Variants in LYST observed in about 807,000 individuals in gnomAD.
LYST encodes the protein lysosomal trafficking regulator, also known as lysosomal-trafficking regulator.
A neutral mutation model predicts 413.6 loss-of-function variants in LYST; 192 were observed. The observed-to-expected ratio is 0.46, with a 90% CI of 0.41 to 0.52. The LOEUF (loss-of-function observed/expected upper bound fraction) is 0.52, where lower values mean the gene tolerates loss of function less well. Ranked by LOEUF, LYST falls within the 20% of genes least tolerant of loss-of-function variation. The pLI is 0.00. For missense variants in LYST, 3,815 were observed against 4,499.9 expected (o/e 0.85, Z 4.35); for synonymous variants, 1,525 against 1,567.3 (o/e 0.97, Z 0.64).
At chr1:235,677,381 G>A in intron 49 of LYST, 99 bp downstream of exon 49, 2 of 1,310,472 alleles carry the variant, frequency 1.5e-6, no homozygotes, top group Non-Finnish European at 2.2e-6. Context: ...TGGTTAAAAT[G>A]ATTATAACGT....
chr1:235,695,320 T>C (rs1416076931), intron 46 of LYST, among the ~76,000 whole-genome samples: 2 of 152,208 alleles, frequency 1.3e-5, no homozygotes, highest in Non-Finnish European at 2.9e-5. Flanking sequence ...CAAGGCCACA[T>C]AGCTAGTAAG....
chr1:235,720,887 G>C lies in LYST; in HGVS notation c.9334C>G (p.His3112Asp). ...GGGAGGTTATTTGTGAGTATATTGT[G>C]GTATACATCATCACGAACCTAAAAG... ...DNTKVRDDVY[H>D]NILTNNLPNL... Residue 3112 changes from histidine (H) to aspartate (D), a missense_variant, in exon 40 of 53, where the codon CAC becomes GAC. By Grantham distance (81) the His-to-Asp change is moderately conservative. Transcript: ENST00000389793. 1 of 1,613,310 alleles carries C rather than the reference G, an allele frequency of 6.2e-7. No individual in the cohort carries two copies. Among genetic ancestry groups the C allele is most frequent in the Non-Finnish European group, 8.5e-7 (1 of 1,179,488 alleles).
intron 1 of LYST, among the ~76,000 whole-genome samples, chr1:235,845,519 C>G (rs777368553): frequency 7.2e-5 from 11 of 152,238 alleles, no homozygotes; most frequent in African/African-American, 1.7e-4. Context: ...AAATCCAGCT[C>G]GCAGACTTCA....
rs1013368289 is a variant in LYST at position 235,755,609 on chromosome 1, T to G, written c.7098A>C (p.Gln2366His). Residue 2366 changes from glutamine to histidine, a missense_variant, in exon 25 of 53, where the codon CAA becomes CAC. Gln to His is a conservative substitution (Grantham distance 24). Transcript: ENST00000389793. Reference sequence around the variant, plus strand: ...CACGATTCTTCAGAAATTTATCTTTTTGTTCCTTAGATGCTCTAGCAAAAT... The same window carrying G: ...CACGATTCTTCAGAAATTTATCTTTGTGTTCCTTAGATGCTCTAGCAAAAT... ...DAYFARASKE[Q>H]KDKFLKNRGF... The G allele has an allele frequency of 2.5e-6, 4 of 1,613,584 alleles. No individual in the cohort carries two copies. Among genetic ancestry groups the G allele is most frequent in the Non-Finnish European group, 3.4e-6 (4 of 1,179,582 alleles).
rs754497817 is a variant in LYST, at chr1:235,720,779, G to A, written c.9442C>T (p.His3148Tyr). 2 of 1,614,072 alleles carry A rather than the reference G, an allele frequency of 1.2e-6. No homozygotes were observed. Among genetic ancestry groups the A allele is most frequent in the East Asian group, 4.5e-5 (2 of 44,866 alleles). The change falls in exon 40 of 53, where the codon CAC becomes TAC. Residue 3148 changes from histidine (H) to tyrosine (Y), a missense_variant. By Grantham distance (83) the His-to-Tyr change is moderately conservative (BLOSUM62 2). Coordinates refer to ENST00000389793, the MANE Select transcript of LYST (RefSeq NM_000081.4). ...GQITNFEYLTHLNKHAGRSFN... is the reference protein window; with the variant it reads ...GQITNFEYLTYLNKHAGRSFN... ...GATCGGCCAGCATGTTTGTTTAAGT[G>A]AGTCAAATATTCAAAATTAGTAATT...
At chr1:235,717,843 C>A (rs1021075801) in intron 40 of LYST, among the ~76,000 whole-genome samples, 1 of 151,568 alleles carries the variant, frequency 6.6e-6, no homozygotes, top group Non-Finnish European at 1.5e-5. Context: ...AGAATAGATA[C>A]AAATTAACAT....
intron 13 of LYST, 42 bp downstream of exon 13, chr1:235,788,659 A>G: frequency 1.3e-6 from 2 of 1,585,484 alleles, no homozygotes; most frequent in Admixed American, 1.7e-5. Context: ...CAAATTATTT[A>G]AATACATTAT....
At chr1:235,758,854 T>C in intron 23 of LYST, 118 bp downstream of exon 23, 1 of 848,980 alleles carries the variant, frequency 1.2e-6, no homozygotes. Context: ...TATAAAGAAA[T>C]AAACTTTTCT....
At chr1:235,742,873 G>C in intron 30 of LYST, among the ~76,000 whole-genome samples, 1 of 151,368 alleles carries the variant, frequency 6.6e-6, no homozygotes, top group East Asian at 1.9e-4. Flanking sequence ...AAATAGTTAA[G>C]TACCGTATAA....
At chr1:235,853,044 T>C (rs570217974) in intron 1 of LYST, 27 of 170,426 alleles carry the variant, frequency 1.6e-4, no homozygotes, top group Non-Finnish European at 3.4e-4. Context: ...GACAGAAAAC[T>C]GACTAATTAC....
intron 10 of LYST, among the ~76,000 whole-genome samples, chr1:235,794,661 C>A (rs1424103377): frequency 6.6e-6 from 1 of 152,112 alleles, no homozygotes; most frequent in Non-Finnish European, 1.5e-5. Context: ...AGAATAGAAG[C>A]CATATTTAAG....
intron 50 of LYST, among the ~76,000 whole-genome samples, chr1:235,675,817 G>A (rs1233058087): frequency 6.6e-6 from 1 of 152,302 alleles, no homozygotes; most frequent in African/African-American, 2.4e-5. Flanking sequence ...CAAACTTCTA[G>A]TGTCACAATT....
chr1:235,722,646 C>A (rs1663485551), intron 39 of LYST, among the ~76,000 whole-genome samples: 1 of 152,052 alleles, frequency 6.6e-6, no homozygotes, highest in South Asian at 2.1e-4. Context: ...CCACCATGCC[C>A]CGCTAATTTT....
intron 30 of LYST, among the ~76,000 whole-genome samples, chr1:235,742,002 C>G (rs976286229): frequency 2.0e-5 from 3 of 151,912 alleles, no homozygotes; most frequent in Admixed American, 6.6e-5. Context: ...ATAAAATAAG[C>G]CATATATAAA....
chr1:235,837,020 G>A (rs779634633), intron 1 of LYST, among the ~76,000 whole-genome samples: 25 of 152,166 alleles, frequency 1.6e-4, no homozygotes, highest in Admixed American at 9.8e-4. Context: ...GCTGTTCACC[G>A]GAGCTTTCTG....
intron 48 of LYST, among the ~76,000 whole-genome samples, chr1:235,680,341 A>C (rs1382318473): frequency 6.6e-6 from 1 of 152,122 alleles, no homozygotes; most frequent in East Asian, 1.9e-4. Context: ...CTGTAGCCTC[A>C]AACTCCTGGG....
rs749934703 is a variant in LYST, at chr1:235,716,757, AG to A, written c.9581del (p.Ala3194ValfsTer65). ...LIYRNLSKPI[A>X]VQYKEKEDRY... The stretch of plus-strand genomic sequence containing the variant: ...GATCTTCTTTTTCTTTATACTGAAC[AG>A]CTATAGGTTTAGAGAGATTTCTGCA... On this transcript the variant is annotated frameshift_variant, in exon 41 of 53. Transcript: ENST00000389793. LOFTEE classifies it high-confidence loss of function. The A allele has an allele frequency of 6.3e-7, 1 of 1,594,084 alleles. No homozygotes were observed. The highest frequency in any genetic ancestry group is 8.6e-7 in the Non-Finnish European group (1 of 1,162,332).
intron 30 of LYST, 22 bp downstream of exon 30, chr1:235,743,957 C>T (rs774706623): frequency 8.3e-7 from 1 of 1,209,854 alleles, no homozygotes. Context: ...ATGAACATTT[C>T]CCATGTAATT....
chr1:235,794,812 G>T (rs1671388762), intron 10 of LYST, among the ~76,000 whole-genome samples: 1 of 152,146 alleles, frequency 6.6e-6, no homozygotes, highest in Non-Finnish European at 1.5e-5. Flanking sequence ...TTTTAAGTAG[G>T]AAAATAATAT....
Sources: allele counts gnomAD v4.1 joint callset (sites outside exome capture counted in the v4.1 genomes callset), GRCh38; gene constraint gnomAD v4.1.1; transcripts MANE v1.5; gene names NCBI Gene and HGNC (gene_info 2026-07-23, HGNC 2026-07-21).